Variants in IGF2BP2 observed in about 807,000 individuals in gnomAD.
IGF2BP2 encodes the protein insulin-like growth factor 2 mRNA-binding protein 2.
In IGF2BP2, 17 loss-of-function variants were observed where a neutral mutation model predicts 75.8. That is an observed-to-expected ratio of 0.22 (90% confidence interval 0.15 to 0.34). The LOEUF (loss-of-function observed/expected upper bound fraction) is 0.34. IGF2BP2 is among the 10% of genes least tolerant of loss of function. The pLI is 1.00. For missense variants in IGF2BP2, 516 were observed against 772.4 expected (o/e 0.67, Z 3.93); for synonymous variants, 288 against 295.6 (o/e 0.97, Z 0.26).
intron 2 of IGF2BP2, among the ~76,000 whole-genome samples, chr3:185,702,141 G>A (rs528110073): frequency 3.9e-5 from 6 of 152,164 alleles, no homozygotes; most frequent in African/African-American, 7.2e-5. Context: ...CAACCCCCGC[G>A]GTGATTTCAT....
In IGF2BP2 at chr3:185,698,339, T is replaced by C. The variant is rs2149358948; in HGVS notation, c.248A>G (p.Lys83Arg). Residue 83 changes from lysine (K) to arginine (R), a missense_variant, in exon 3 of 16, where the codon AAA (lysine) becomes AGA (arginine). Transcript: ENST00000382199. Reference protein sequence around the residue: ...YSVSKKLRSRKIQIRNIPPHL... With the variant: ...YSVSKKLRSRRIQIRNIPPHL... ...AGGAGGGATGTTTCGAATCTGAATTTTCCTGCTCCTGTAAAGATAAAACCA... is the reference window on the plus strand; with the variant it reads ...AGGAGGGATGTTTCGAATCTGAATTCTCCTGCTCCTGTAAAGATAAAACCA... The C allele has an allele frequency of 6.2e-7, 1 of 1,614,082 alleles. No homozygotes were observed. The highest frequency in any genetic ancestry group is 8.5e-7 in the Non-Finnish European group (1 of 1,179,932).
intron 2 of IGF2BP2, among the ~76,000 whole-genome samples, chr3:185,731,160 A>G (rs1435341298): frequency 6.6e-6 from 1 of 152,176 alleles, no homozygotes. Context: ...AGGGATACAG[A>G]GACCAAAATT....
At chr3:185,675,647 G>A (rs1321868732) in intron 8 of IGF2BP2, 144 bp downstream of exon 8, 1 of 1,171,090 alleles carries the variant, frequency 8.5e-7, no homozygotes, top group Non-Finnish European at 1.2e-6. Context: ...AAGTATTTAT[G>A]TATTTTTTTA....
At chr3:185,761,460 G>A in intron 2 of IGF2BP2, among the ~76,000 whole-genome samples, 1 of 152,218 alleles carries the variant, frequency 6.6e-6, no homozygotes, top group Non-Finnish European at 1.5e-5. Context: ...GTCAGCATCA[G>A]AGAACAAGAA....
chr3:185,806,363 G>A lies in IGF2BP2; in HGVS notation c.239+16790C>T, dbSNP rs1419439112. On this transcript the variant is annotated intron_variant, in intron 2 of 15. Transcript: ENST00000382199. ...ATAGAAAATTATATTTACCCGTAGTGTTTTTTAACTCATAAAAAAGCATCT... is the reference window on the plus strand; with the variant it reads ...ATAGAAAATTATATTTACCCGTAGTATTTTTTAACTCATAAAAAAGCATCT... Among the ~76,000 whole-genome samples, 3 of 152,222 alleles carry A rather than the reference G, an allele frequency of 2.0e-5. No homozygotes were observed. In the East Asian group the frequency reaches 5.8e-4, roughly 29 times the overall value.
chr3:185,774,473 T>C (rs1017712978), intron 2 of IGF2BP2, among the ~76,000 whole-genome samples: 1 of 151,734 alleles, frequency 6.6e-6, no homozygotes, highest in Non-Finnish European at 1.5e-5. Flanking sequence ...CAGGCACCTA[T>C]AGTCCCAGCT....
At chr3:185,791,056 G>C (rs1047705739) in intron 2 of IGF2BP2, among the ~76,000 whole-genome samples, 1 of 152,192 alleles carries the variant, frequency 6.6e-6, no homozygotes, top group Non-Finnish European at 1.5e-5. Flanking sequence ...AAAATAGCAG[G>C]AGTTTCTAGA....
At chr3:185,806,854 C>T (rs761137682) in intron 2 of IGF2BP2, among the ~76,000 whole-genome samples, 13 of 152,038 alleles carry the variant, frequency 8.6e-5, no homozygotes, top group African/African-American at 2.9e-4. Context: ...GGGCCTGATG[C>T]GTTGTAGTTT....
chr3:185,696,502 T>C, intron 4 of IGF2BP2, 110 bp downstream of exon 4: 1 of 882,872 alleles, frequency 1.1e-6, no homozygotes, highest in Non-Finnish European at 1.9e-6. Context: ...TCTAGGAAGC[T>C]TATTTCAAAG....
intron 10 of IGF2BP2, among the ~76,000 whole-genome samples, chr3:185,669,118 T>C (rs1341939840): frequency 1.3e-5 from 2 of 152,188 alleles, no homozygotes; most frequent in African/African-American, 2.4e-5. Context: ...AGTGGTGGTA[T>C]GGAAGAAAAA....
intron 2 of IGF2BP2, among the ~76,000 whole-genome samples, chr3:185,733,046 C>G (rs555790856): frequency 6.6e-6 from 1 of 152,190 alleles, no homozygotes; most frequent in East Asian, 1.9e-4. Flanking sequence ...TCCTGCTTCC[C>G]CACCCTATTC....
At chr3:185,761,653 T>C (rs909705058) in intron 2 of IGF2BP2, among the ~76,000 whole-genome samples, 7 of 152,204 alleles carry the variant, frequency 4.6e-5, no homozygotes, top group African/African-American at 1.7e-4. Flanking sequence ...ATTCCTCCCC[T>C]GATAGAGTTC....
intron 2 of IGF2BP2, among the ~76,000 whole-genome samples, chr3:185,798,996 G>T (rs528844306): frequency 8.8e-4 from 134 of 151,712 alleles, no homozygotes; most frequent in African/African-American, 3.2e-3. Flanking sequence ...GGCTGGTCTC[G>T]AATTCCTAGG....
chr3:185,717,106 T>C (rs1436120371), intron 2 of IGF2BP2: 1 of 234,890 alleles, frequency 4.3e-6, no homozygotes, highest in African/African-American at 2.3e-5. Flanking sequence ...AAGGGTCCTC[T>C]CTGTCTCTGA....
chr3:185,689,340 CCCACAGGCA>C lies in IGF2BP2; in HGVS notation c.677+6_677+14del. 6.2e-7 allele frequency: 1 copy of C among 1,608,790 alleles called. No individual in the cohort carries two copies. Among genetic ancestry groups the C allele is most frequent in the Non-Finnish European group, 8.5e-7 (1 of 1,178,356 alleles). ...CCCCTCAGAAGGAAGCAAAGGAAGC[CCCACAGGCA>C]CGTACCGGGACTGGGTCTGCTTAGT... On this transcript the variant is annotated splice_donor_region_variant and intron_variant, in intron 6 of 15. Transcript: ENST00000382199.
chr3:185,768,891 G>T (rs1733474099), intron 2 of IGF2BP2, among the ~76,000 whole-genome samples: 1 of 152,184 alleles, frequency 6.6e-6, no homozygotes, highest in African/African-American at 2.4e-5. Flanking sequence ...GCCAGATGTG[G>T]TGGCATGCGC....
chr3:185,719,152 G>A (rs529238281), intron 2 of IGF2BP2, among the ~76,000 whole-genome samples: 1 of 152,296 alleles, frequency 6.6e-6, no homozygotes, highest in Non-Finnish European at 1.5e-5. Flanking sequence ...AACTGCAGAG[G>A]CCTTATTTAA....
intron 2 of IGF2BP2, among the ~76,000 whole-genome samples, chr3:185,718,684 C>CAAAAAAAAAA (rs10699427): frequency 2.0e-5 from 1 of 49,514 alleles, no homozygotes; most frequent in Non-Finnish European, 3.5e-5. Flanking sequence ...GACTCTGTCT[C>CAAAAAAAAAA]AAAAAAAAAA....
At chr3:185,801,244 C>G (rs778401254) in intron 2 of IGF2BP2, among the ~76,000 whole-genome samples, 1 of 152,144 alleles carries the variant, frequency 6.6e-6, no homozygotes, top group Non-Finnish European at 1.5e-5. Flanking sequence ...AATCCCAGCA[C>G]TTTGGGAGGC....
Sources: allele counts gnomAD v4.1 joint callset (sites outside exome capture counted in the v4.1 genomes callset), GRCh38; gene constraint gnomAD v4.1.1; transcripts MANE v1.5; gene names NCBI Gene and HGNC (gene_info 2026-07-23, HGNC 2026-07-21).